The following LGALS2 variants were observed in gnomAD, a reference collection of about 807,000 sequenced individuals.
LGALS2 encodes the protein galectin 2, also known as galectin-2.
LGALS2 carries 7 observed loss-of-function variants against 10.1 expected under a neutral mutation model. The ratio of observed to expected loss-of-function variants is 0.70; its 90% CI spans 0.40 to 1.31. LGALS2 has a LOEUF of 1.31. Ranked by LOEUF, LGALS2 falls within the 50% of genes most tolerant of loss-of-function variation. The pLI, the probability that LGALS2 is intolerant of heterozygous loss-of-function variation, is 0.01. For synonymous variants in LGALS2, 86 were observed against 64.2 expected (o/e 1.34, Z -1.63); for missense variants, 167 against 163.6 (o/e 1.02, Z -0.11).
chr22:37,578,096 G>A (rs1012744004), intron 1 of LGALS2, among the ~76,000 whole-genome samples: 3 of 152,232 alleles, frequency 2.0e-5, no homozygotes, highest in Non-Finnish European at 4.4e-5. Flanking sequence ...GGCAGCCTGT[G>A]ATCCCCTTCC....
At chr22:37,571,797 G>C in intron 2 of LGALS2, 52 bp downstream of exon 2, 1 of 1,414,668 alleles carries the variant, frequency 7.1e-7, no homozygotes, top group Non-Finnish European at 1.0e-6. Flanking sequence ...TGCCCCACCC[G>C]CCCTGCCTAT....
chr22:37,579,779 T>C lies in LGALS2; in HGVS notation c.6+121A>G, dbSNP rs570215605. The C allele has an allele frequency of 5.5e-6, 6 of 1,085,772 alleles. No individual in the cohort carries two copies. The South Asian group carries it at 7.2e-5, about 13-fold the overall frequency. The allele number at this position is 1,085,772 out of a possible 1,614,324, so 67.3% of individuals were successfully genotyped here. On this transcript the variant is annotated intron_variant, in intron 1 of 3. Transcript: ENST00000215886. The stretch of plus-strand genomic sequence containing the variant: ...AAAGACCTCTGTCCAACTTCTTTGC[T>C]GCACAGATGGGGAAACTGAGGCCCA...
intron 1 of LGALS2, among the ~76,000 whole-genome samples, chr22:37,575,255 G>T (rs1453446565): frequency 2.7e-5 from 4 of 145,988 alleles, no homozygotes; most frequent in Non-Finnish European, 6.0e-5. Flanking sequence ...AAGATGGAGT[G>T]CAGTAGCACG....
intron 1 of LGALS2, among the ~76,000 whole-genome samples, chr22:37,576,752 T>C (rs1030559421): frequency 2.0e-4 from 30 of 152,168 alleles, no homozygotes; most frequent in African/African-American, 5.3e-4. Flanking sequence ...CACACTCCCC[T>C]TGCAGCTCCT....
In LGALS2 at chr22:37,575,989, G is replaced by C. The variant is rs534352417; in HGVS notation, c.6+3911C>G. On this transcript the variant is annotated intron_variant, in intron 1 of 3. Transcript: ENST00000215886. The stretch of plus-strand genomic sequence containing the variant: ...GGATGTCAGTGACACCCTCCCCTGA[G>C]CGGTGACAACCAAGAATGTCTCCAG... 5.9e-5 allele frequency among the ~76,000 whole-genome samples: 9 copies of C among 152,306 alleles called. No individual in the cohort carries two copies. In the South Asian group the frequency reaches 1.2e-3, roughly 21 times the overall value.
At chr22:37,579,852 A>T (rs1303797953) in intron 1 of LGALS2, 48 bp downstream of exon 1, 1 of 1,594,128 alleles carries the variant, frequency 6.3e-7, no homozygotes, top group Non-Finnish European at 8.5e-7. Flanking sequence ...CCAGGCAAAG[A>T]CAAAGATGAA....
chr22:37,570,767 G>T (rs754296905), intron 2 of LGALS2, 32 bp from the exon 3 acceptor site: 2 of 1,613,704 alleles, frequency 1.2e-6, no homozygotes, highest in East Asian at 4.5e-5. Flanking sequence ...GTGAGGTTCA[G>T]GGCTCAGGCC....
At chr22:37,575,826 C>A (rs12159678) in intron 1 of LGALS2, among the ~76,000 whole-genome samples, 2,568 of 152,270 alleles carry the variant, frequency 0.017, 65 homozygotes, top group African/African-American at 0.059. Context: ...GCCATGACGG[C>A]GGCATGTCAG....
Position 37,570,307 on chromosome 22 carries a change from C to A in LGALS2, c.355G>T (p.Val119Leu). Residue 119 changes from valine to leucine, a missense_variant, in exon 4 of 4, where the codon GTA (valine) becomes TTA (leucine). By Grantham distance (32) the Val-to-Leu change is conservative (BLOSUM62 1). Transcript: ENST00000215886. The stretch of plus-strand genomic sequence containing the variant: ...GAGGACATGTTGAACCCGCCCCTTA[C>A]GCTCAGGTAGCTCAGGTGGCTGTGA... ...LGHSHLSYLS[V>L]RGGFNMSSFK... 6.2e-7 allele frequency: 1 copy of A among 1,613,544 alleles called. No homozygotes were observed. The highest frequency in any genetic ancestry group is 8.5e-7 in the Non-Finnish European group (1 of 1,179,554).
chr22:37,574,500 A>AT (rs1491571400), intron 1 of LGALS2, among the ~76,000 whole-genome samples: 6 of 25,678 alleles, frequency 2.3e-4, no homozygotes, highest in Non-Finnish European at 6.2e-4. Flanking sequence ...GACTCTGTCT[A>AT]AAAAAAAAAA....
chr22:37,577,436 G>C (rs1186051400), intron 1 of LGALS2, among the ~76,000 whole-genome samples: 4 of 148,618 alleles, frequency 2.7e-5, no homozygotes. Flanking sequence ...TGCAACCTCT[G>C]CCTCCCGGGT....
rs2145817806 is a variant in LGALS2 at position 37,570,673 on chromosome 22, C to G, written c.152G>C (p.Ser51Thr). 2.5e-6 allele frequency: 4 copies of G among 1,614,236 alleles called. No homozygotes were observed. The highest frequency in any genetic ancestry group is 3.4e-6 in the Non-Finnish European group (4 of 1,180,052). Residue 51 changes from serine (S) to threonine (T), a missense_variant, in exon 3 of 4, where the codon AGC becomes ACC. Ser to Thr is a moderately conservative substitution (Grantham distance 58). Transcript: ENST00000215886. ...KLNLHFNPRF[S>T]ESTIVCNSLD... Reference sequence around the variant, plus strand: ...TGAGTTGCAGACAATGGTGGATTCGCTGAAGCGAGGGTTGAAATGCAGGTT... The same window carrying G: ...TGAGTTGCAGACAATGGTGGATTCGGTGAAGCGAGGGTTGAAATGCAGGTT...
intron 1 of LGALS2, among the ~76,000 whole-genome samples, chr22:37,579,331 A>G (rs1040241695): frequency 1.3e-5 from 2 of 151,832 alleles, no homozygotes; most frequent in Admixed American, 6.6e-5. Context: ...CAGCTACTCA[A>G]GAGGCTGAGG....
At chr22:37,570,437 A>G (rs781588502) in intron 3 of LGALS2, 25 bp from the exon 4 acceptor site, 1 of 1,609,072 alleles carries the variant, frequency 6.2e-7, no homozygotes, top group Non-Finnish European at 8.5e-7. Context: ...GGTGTCAAGG[A>G]GGCAGGAGGC....
chr22:37,577,101 C>T (rs1045374137), intron 1 of LGALS2, among the ~76,000 whole-genome samples: 6 of 151,936 alleles, frequency 3.9e-5, no homozygotes, highest in East Asian at 1.9e-4. Flanking sequence ...CCTTATCTGT[C>T]GTATAAGGGA....
At chr22:37,577,269 G>A (rs917371025) in intron 1 of LGALS2, among the ~76,000 whole-genome samples, 1 of 152,042 alleles carries the variant, frequency 6.6e-6, no homozygotes, top group Non-Finnish European at 1.5e-5. Flanking sequence ...CAGGACCCCT[G>A]GCACATTCAC....
chr22:37,579,849 A>G, intron 1 of LGALS2, 51 bp downstream of exon 1: 2 of 1,591,014 alleles, frequency 1.3e-6, no homozygotes, highest in Non-Finnish European at 1.7e-6. Context: ...CACCCAGGCA[A>G]AGACAAAGAT....
intron 1 of LGALS2, among the ~76,000 whole-genome samples, chr22:37,577,527 T>C (rs1925724021): frequency 8.4e-6 from 1 of 119,062 alleles, no homozygotes; most frequent in Admixed American, 8.7e-5. Context: ...TTTTTTTTTC[T>C]TCTTCTTCTT....
chr22:37,570,699 C>A lies in LGALS2; in HGVS notation c.126G>T (p.Leu42=). 1 of 1,614,248 alleles carries A rather than the reference C, an allele frequency of 6.2e-7. No individual in the cohort carries two copies. Among genetic ancestry groups the A allele is most frequent in the Non-Finnish European group, 8.5e-7 (1 of 1,180,046 alleles). Residue 42 remains leucine, a synonymous_variant, in exon 3 of 4, where the codon CTG becomes CTT. Transcript: ENST00000215886. ...TGAAGCGAGGGTTGAAATGCAGGTT[C>A]AGCTTGTCTGTCCCCTGGCCCAGAT... ...VINLGQGTDK[L]NLHFNPRFSE...
Sources: allele counts gnomAD v4.1 joint callset (sites outside exome capture counted in the v4.1 genomes callset), GRCh38; gene constraint gnomAD v4.1.1; transcripts MANE v1.5; gene names NCBI Gene and HGNC (gene_info 2026-07-23, HGNC 2026-07-21).